RUNX1T1: variants seen among roughly 807,000 people sequenced by gnomAD.
The protein encoded by RUNX1T1 is protein CBFA2T1.
RUNX1T1 carries 4 observed loss-of-function variants against 62.8 expected under a neutral mutation model. The ratio of observed to expected loss-of-function variants is 0.06; its 90% CI spans 0.03 to 0.15. The LOEUF (loss-of-function observed/expected upper bound fraction) is 0.15. RUNX1T1 is among the 10% of genes least tolerant of loss of function. The pLI, the probability that RUNX1T1 is intolerant of heterozygous loss-of-function variation, is 1.00. For synonymous variants in RUNX1T1, 291 were observed against 286.0 expected (o/e 1.02, Z -0.18); for missense variants, 508 against 754.3 (o/e 0.67, Z 3.82).
exon 11 of RUNX1T1, chr8:91,960,331 C>G (rs1263752953): frequency 6.2e-7 from 1 of 1,612,900 alleles, no homozygotes; most frequent in Admixed American, 1.7e-5. Flanking sequence ...GGGCTCCCAG[C>G]CCCGCTGTTG....
In RUNX1T1 at chr8:91,982,236, C is replaced by CA. The variant is rs34745107; in HGVS notation, c.1198+3887dup. On this transcript the variant is annotated intron_variant, in intron 8 of 10. Coordinates refer to ENST00000396218, the Ensembl canonical transcript of RUNX1T1. ...TGAGCAACAAAGTGAGACCCTGTCT[C>CA]AAAAAAAAAAAAAAAAAAAATTAAC... 9.1e-3 allele frequency among the ~76,000 whole-genome samples: 721 copies of CA among 78,836 alleles called. 8 individuals are homozygous for CA. The highest frequency in any genetic ancestry group is 0.043 in the East Asian group (78 of 1,798). 51.7% of individuals were successfully genotyped at this position (78,836 alleles called of 152,430 possible).
At chr8:91,958,597 CTTG>C (rs201024988), downstream of RUNX1T1, 2,126 of 174,010 alleles carry the variant, frequency 0.012, 32 homozygotes, top group Middle Eastern at 0.041. Flanking sequence ...AGTAGGATAT[CTTG>C]TTATTTTATT....
At chr8:92,071,849 C>T (rs1833731963) in intron 2 of RUNX1T1, among the ~76,000 whole-genome samples, 1 of 152,148 alleles carries the variant, frequency 6.6e-6, no homozygotes, top group South Asian at 2.1e-4. Context: ...AAGAACTGCC[C>T]GGAGCATCAA....
chr8:92,056,586 C>T lies in RUNX1T1; in HGVS notation c.7+5960G>A, dbSNP rs148800038. ...AATCAAGCCTTCTAGAGAAAGCATC[C>T]CACAATTTTAAAAATCAACTGCTTT... On this transcript the variant is annotated intron_variant, in intron 1 of 10. Coordinates refer to ENST00000396218, the Ensembl canonical transcript of RUNX1T1. Among the ~76,000 whole-genome samples, 856 of 151,872 alleles carry T rather than the reference C, an allele frequency of 5.6e-3. 11 individuals carry two copies. The highest frequency in any genetic ancestry group is 0.019 in the African/African-American group (805 of 41,426).
At chr8:92,038,366 T>C (rs1827812878) in intron 1 of RUNX1T1, among the ~76,000 whole-genome samples, 1 of 151,882 alleles carries the variant, frequency 6.6e-6, no homozygotes, top group South Asian at 2.1e-4. Flanking sequence ...ATTCTAACTT[T>C]TAAAAGGACA....
intron 1 of RUNX1T1, 146 bp from the exon 3 acceptor site, chr8:92,017,509 C>A: frequency 6.5e-7 from 1 of 1,529,786 alleles, no homozygotes; most frequent in Non-Finnish European, 8.8e-7. Flanking sequence ...ACGTTTAAAT[C>A]AGGATTTTAT....
At chr8:92,025,313 T>C (rs978182744) in intron 1 of RUNX1T1, among the ~76,000 whole-genome samples, 2 of 152,326 alleles carry the variant, frequency 1.3e-5, no homozygotes, top group South Asian at 4.1e-4. Context: ...TAACAGGACA[T>C]AGAAAGACCT....
intron 9 of RUNX1T1, among the ~76,000 whole-genome samples, chr8:91,971,507 A>G (rs893848919): frequency 2.0e-5 from 3 of 152,240 alleles, no homozygotes; most frequent in Non-Finnish European, 1.5e-5. Context: ...TCAGATAGCA[A>G]TTAAGTTACT....
At chr8:92,007,834 T>C (rs1821076716) in intron 4 of RUNX1T1, among the ~76,000 whole-genome samples, 2 of 151,948 alleles carry the variant, frequency 1.3e-5, no homozygotes, top group South Asian at 4.1e-4. Flanking sequence ...TTGGATGCAG[T>C]GGCCCATGCC....
In RUNX1T1 at chr8:92,029,622, G is replaced by A. The variant is rs188707618; in HGVS notation, c.8-12259C>T. Reference sequence around the variant, plus strand: ...TGTATAAAATATCCCAAGTAGCTTCGTCTCCCACACTTGCCACTATCAAAT... The same window carrying A: ...TGTATAAAATATCCCAAGTAGCTTCATCTCCCACACTTGCCACTATCAAAT... On this transcript the variant is annotated intron_variant, in intron 1 of 10. Transcript: ENST00000396218. Among the ~76,000 whole-genome samples the A allele has an allele frequency of 6.0e-4, 92 of 152,140 alleles. 2 individuals are homozygous for A. Among genetic ancestry groups the A allele is most frequent in the Admixed American group, 3.0e-3 (46 of 15,266 alleles).
chr8:92,029,380 G>A (rs1305431790), intron 1 of RUNX1T1, among the ~76,000 whole-genome samples: 1 of 152,152 alleles, frequency 6.6e-6, no homozygotes, highest in Non-Finnish European at 1.5e-5. Context: ...CAGGCATTCA[G>A]TATGGAAATG....
downstream of RUNX1T1, chr8:91,958,189 A>G (rs1809655741): frequency 5.3e-6 from 1 of 189,902 alleles, no homozygotes; most frequent in Non-Finnish European, 1.1e-5. Flanking sequence ...CCAGCCTTGT[A>G]AACTTTGGTT....
chr8:92,102,923 G>C, upstream of RUNX1T1: 1 of 1,510,332 alleles, frequency 6.6e-7, no homozygotes. The surrounding 1 kb of genome is among the most constrained non-coding windows in gnomAD (Gnocchi z 4.5). Flanking sequence ...ACTTCCCGTC[G>C]TCTCGGCCGG....
intron 1 of RUNX1T1, among the ~76,000 whole-genome samples, chr8:92,045,236 C>T (rs551575830): frequency 6.6e-6 from 1 of 152,068 alleles, no homozygotes; most frequent in Non-Finnish European, 1.5e-5. Flanking sequence ...AATTTCAAAG[C>T]TTCGATAATG....
At chr8:92,017,098 T>C (rs1201691948) in intron 2 of RUNX1T1, 128 bp downstream of exon 3, 4 of 672,214 alleles carry the variant, frequency 6.0e-6, no homozygotes, top group Non-Finnish European at 1.0e-5. Context: ...AAACAAATGA[T>C]TTTTTTTGGT....
intron 1 of RUNX1T1, among the ~76,000 whole-genome samples, chr8:92,058,871 A>G (rs1192984768): frequency 6.6e-6 from 1 of 152,206 alleles, no homozygotes; most frequent in Non-Finnish European, 1.5e-5. Context: ...ATAAACAAGT[A>G]GTTGTCTTAT....
chr8:91,991,657 C>T (rs1459547242), exon 6 of RUNX1T1: 1 of 1,613,898 alleles, frequency 6.2e-7, no homozygotes. Context: ...CTGTTTCTGT[C>T]CCTGAGGTCC....
At chr8:92,085,476 C>G (rs1024632740) in intron 1 of RUNX1T1, among the ~76,000 whole-genome samples, 1 of 152,190 alleles carries the variant, frequency 6.6e-6, no homozygotes, top group African/African-American at 2.4e-5. Flanking sequence ...TGATATATCT[C>G]AGGAACGATT....
intron 8 of RUNX1T1, among the ~76,000 whole-genome samples, chr8:91,976,351 G>T (rs1350669370): frequency 6.6e-6 from 1 of 152,140 alleles, no homozygotes; most frequent in Non-Finnish European, 1.5e-5. Context: ...CAAACTGGTG[G>T]TTAAACAATC....
Sources: gnomAD v4.1 joint callset for allele counts (sites outside exome capture counted in the v4.1 genomes callset) on GRCh38, gnomAD v4.1.1 for gene constraint, Gnocchi (gnomAD v3.1) non-coding constraint, MANE v1.5 for transcripts, NCBI Gene and HGNC (gene_info 2026-07-23, HGNC 2026-07-21) for gene names.